Variants in KIAA0319L observed in about 807,000 individuals in gnomAD.
KIAA0319L encodes dyslexia-associated protein KIAA0319-like protein.
KIAA0319L carries 55 observed loss-of-function variants against 120.1 expected under a neutral mutation model. That is an observed-to-expected ratio of 0.46 (90% CI 0.37 to 0.57). KIAA0319L has a LOEUF of 0.57. Among genes scored for constraint, KIAA0319L ranks in the 20% least tolerant of loss-of-function variants. The probability of loss-of-function intolerance (pLI) is 0.00; values close to 1 mark genes in which losing one functional copy is unlikely to be tolerated. For missense variants in KIAA0319L, 1,049 were observed against 1,255.3 expected (o/e 0.84, Z 2.48); for synonymous variants, 398 against 471.9 (o/e 0.84, Z 2.03).
rs546580052 is a variant in KIAA0319L at position 35,437,235 on chromosome 1, G to A, written c.2963-2154C>T. ...CCATCCAATCTCACCTCTGCAGCGCGGCACTTCTCCGGGCCATCACCGCCC... is the reference window on the plus strand; with the variant it reads ...CCATCCAATCTCACCTCTGCAGCGCAGCACTTCTCCGGGCCATCACCGCCC... On this transcript the variant is annotated intron_variant, in intron 20 of 20. Transcript: ENST00000325722. The surrounding 1 kb of genome is among the most constrained non-coding windows in gnomAD (Gnocchi z 4.1). Among the ~76,000 whole-genome samples the A allele has an allele frequency of 5.3e-5, 8 of 152,234 alleles. No homozygotes were observed. Among genetic ancestry groups the A allele is most frequent in the East Asian group, 3.9e-4 (2 of 5,170 alleles).
At chr1:35,542,508 A>G (rs1422159323) in intron 2 of KIAA0319L, among the ~76,000 whole-genome samples, 1 of 152,160 alleles carries the variant, frequency 6.6e-6, no homozygotes, top group African/African-American at 2.4e-5. Context: ...CAGGACCTTA[A>G]CCATATGGGC....
chr1:35,530,372 A>G (rs1330924982), intron 2 of KIAA0319L, among the ~76,000 whole-genome samples: 1 of 152,108 alleles, frequency 6.6e-6, no homozygotes, highest in Non-Finnish European at 1.5e-5. Context: ...GTTTATCGCT[A>G]AAGCTCTCAA....
At chr1:35,451,349 G>A (rs570680138) in intron 13 of KIAA0319L, among the ~76,000 whole-genome samples, 81 of 152,250 alleles carry the variant, frequency 5.3e-4, no homozygotes, top group Non-Finnish European at 8.4e-4. Flanking sequence ...CTATTCAACT[G>A]AGAAATAAAG....
chr1:35,507,238 G>GT (rs1645240608), intron 2 of KIAA0319L, 103 bp from the exon 3 acceptor site: 1 of 1,177,234 alleles, frequency 8.5e-7, no homozygotes, highest in African/African-American at 1.5e-5. Context: ...TTGAAGACGA[G>GT]TTTTTAAGAG....
intron 7 of KIAA0319L, among the ~76,000 whole-genome samples, chr1:35,466,205 G>A (rs1210620359): frequency 1.2e-4 from 19 of 152,210 alleles, no homozygotes; most frequent in Non-Finnish European, 1.5e-5. Flanking sequence ...GGAACTCTGT[G>A]TACAAAGGCT....
intron 18 of KIAA0319L, 64 bp from the exon 19 acceptor site, chr1:35,442,400 CTCCCAGCTTGGGCAGG>C (rs1641293213): frequency 1.6e-6 from 2 of 1,287,716 alleles, no homozygotes; most frequent in South Asian, 2.4e-5. Flanking sequence ...GTCTGGGCTG[CTCCCAGCTTGGGCAGG>C]TGTGGCTTCA....
intron 2 of KIAA0319L, among the ~76,000 whole-genome samples, chr1:35,517,753 G>A (rs1026513498): frequency 6.6e-6 from 1 of 152,158 alleles, no homozygotes; most frequent in Non-Finnish European, 1.5e-5. Context: ...CTTCTGCACA[G>A]CAAAAGAAAC....
At chr1:35,450,106 C>G in intron 14 of KIAA0319L, 101 bp from the exon 15 acceptor site, 1 of 1,408,438 alleles carries the variant, frequency 7.1e-7, no homozygotes, top group Non-Finnish European at 9.9e-7. Context: ...CAGGGCTGAA[C>G]TGTTTCAACC....
rs1642253924 is a variant in KIAA0319L, at chr1:35,453,984, T to A, written c.1781-295A>T. Among the ~76,000 whole-genome samples the A allele has an allele frequency of 1.3e-5, 2 of 152,236 alleles. No individual in the cohort carries two copies. Among genetic ancestry groups the A allele is most frequent in the South Asian group, 4.1e-4 (2 of 4,836 alleles). ...AAGGATTTGAGTGACAAGACAGGGC[T>A]GTCCTGAGGAAGTCAGTTTTAAGCA... On this transcript the variant is annotated intron_variant, in intron 11 of 20. Transcript: ENST00000325722. The surrounding 1 kb of genome is among the most constrained non-coding windows in gnomAD (Gnocchi z 4.1).
intron 9 of KIAA0319L, among the ~76,000 whole-genome samples, chr1:35,459,586 G>C (rs898732282): frequency 3.3e-5 from 5 of 150,058 alleles, no homozygotes; most frequent in African/African-American, 1.2e-4. Context: ...GACAGAGCAA[G>C]ACTCTGTCTC....
At chr1:35,508,068 T>G (rs1450919780) in intron 2 of KIAA0319L, among the ~76,000 whole-genome samples, 1 of 152,178 alleles carries the variant, frequency 6.6e-6, no homozygotes, top group Admixed American at 6.5e-5. Flanking sequence ...TCTATAGGTG[T>G]CTATTACCAG....
chr1:35,450,015 TGAACAAC>T lies in KIAA0319L; in HGVS notation c.2215-17_2215-11del. 6.2e-7 allele frequency: 1 copy of T among 1,614,062 alleles called. No individual in the cohort carries two copies. The highest frequency in any genetic ancestry group is 8.5e-7 in the Non-Finnish European group (1 of 1,179,904). ...AGTGATTTAACACCTCCTGTAGGGT[TGAACAAC>T]ATGGCTATGTTACAGAACAAAATGC... is the stretch of plus-strand genomic sequence containing the variant. On this transcript the variant is annotated splice_polypyrimidine_tract_variant and intron_variant, in intron 14 of 20. Coordinates refer to ENST00000325722, the MANE Select transcript of KIAA0319L (RefSeq NM_024874.5).
chr1:35,544,284 G>A (rs1197438136), intron 2 of KIAA0319L, among the ~76,000 whole-genome samples: 7 of 150,416 alleles, frequency 4.7e-5, no homozygotes, highest in African/African-American at 1.2e-4. Flanking sequence ...CAGGAGAATC[G>A]CTTGAACCCG....
intron 2 of KIAA0319L, among the ~76,000 whole-genome samples, chr1:35,516,871 A>G (rs1464148179): frequency 6.6e-6 from 1 of 152,192 alleles, no homozygotes; most frequent in African/African-American, 2.4e-5. Context: ...AGGAGACAAA[A>G]ATCAATGTAC....
At chr1:35,545,474 G>A (rs1392476304) in intron 2 of KIAA0319L, among the ~76,000 whole-genome samples, 1 of 152,188 alleles carries the variant, frequency 6.6e-6, no homozygotes, top group Non-Finnish European at 1.5e-5. Flanking sequence ...AGGGGTCTCA[G>A]GGAAAGCACG....
intron 3 of KIAA0319L, among the ~76,000 whole-genome samples, chr1:35,480,277 C>A (rs1644108678): frequency 6.6e-6 from 1 of 152,090 alleles, no homozygotes; most frequent in African/African-American, 2.4e-5. Flanking sequence ...AAAAGCATTA[C>A]ATGTTATTTT....
chr1:35,443,922 T>C (rs1001449813), intron 17 of KIAA0319L: 1 of 356,214 alleles, frequency 2.8e-6, no homozygotes, highest in Non-Finnish European at 5.0e-6. Flanking sequence ...AAAACAAAGA[T>C]GTAAATTTTT....
chr1:35,467,649 A>G (rs1448953817), intron 6 of KIAA0319L, among the ~76,000 whole-genome samples: 1 of 151,890 alleles, frequency 6.6e-6, no homozygotes, highest in Non-Finnish European at 1.5e-5. Context: ...TCTTCCATTC[A>G]TTTAGCATGA....
intron 3 of KIAA0319L, among the ~76,000 whole-genome samples, chr1:35,495,505 T>C (rs1644766631): frequency 6.6e-6 from 1 of 152,172 alleles, no homozygotes; most frequent in South Asian, 2.1e-4. Context: ...ATCTGCTCTT[T>C]GAAAGACACT....
Sources: gnomAD v4.1 joint callset for allele counts (sites outside exome capture counted in the v4.1 genomes callset) on GRCh38, gnomAD v4.1.1 for gene constraint, Gnocchi (gnomAD v3.1) non-coding constraint, MANE v1.5 for transcripts, NCBI Gene and HGNC (gene_info 2026-07-23, HGNC 2026-07-21) for gene names.